The following CFAP54 variants were observed in gnomAD, a reference collection of about 807,000 sequenced individuals.
CFAP54 encodes cilia and flagella associated protein 54, also known as cilia- and flagella-associated protein 54.
A neutral mutation model predicts 370.4 loss-of-function variants in CFAP54; 290 were observed. The observed-to-expected ratio is 0.78, with a 90% CI of 0.71 to 0.86. The LOEUF (loss-of-function observed/expected upper bound fraction) is 0.86. Ranked by LOEUF, CFAP54 falls within the 40% of genes least tolerant of loss-of-function variation. CFAP54 has a pLI of 0.00. For missense variants in CFAP54, 3,399 were observed against 3,528.7 expected (o/e 0.96, Z 0.93); for synonymous variants, 1,206 against 1,236.5 (o/e 0.98, Z 0.52).
At chr12:96,634,912 G>T (rs1384137543) in intron 32 of CFAP54, among the ~76,000 whole-genome samples, 1 of 152,118 alleles carries the variant, frequency 6.6e-6, no homozygotes, top group Non-Finnish European at 1.5e-5. Context: ...ATCTATTTCT[G>T]AGTTCTGTAT....
chr12:96,704,762 C>T lies in CFAP54; in HGVS notation c.6494C>T (p.Ser2165Leu), dbSNP rs1592717169. The change falls in exon 47 of 68, where the codon TCA (serine) becomes TTA (leucine). Residue 2165 changes from serine to leucine, a missense_variant. Physicochemically the swap from Ser to Leu is moderately radical, Grantham distance 145 (BLOSUM62 -2). This residue lies in a region of CFAP54 where 2,796 missense variants were observed against 2,869.7 expected (regional missense o/e 0.97). Coordinates refer to ENST00000524981, the MANE Select transcript of CFAP54 (RefSeq NM_001306084.2). The stretch of plus-strand genomic sequence containing the variant: ...TGACAGATCTTTCAATCATTTGACT[C>T]AGGAAAACTTCTTACCAGTAAAGAA... ...GKMKIFQSFD[S>L]GKLLTSKENI... 1 of 1,234,508 alleles carries T rather than the reference C, an allele frequency of 8.1e-7. No individual in the cohort carries two copies. The highest frequency in any genetic ancestry group is 1.1e-6 in the Non-Finnish European group (1 of 892,818). The allele number at this position is 1,234,508 out of a possible 1,614,324, so 76.5% of individuals were successfully genotyped here. A position where few individuals can be genotyped will look rare whatever the true frequency, so the allele number is the denominator to read the frequency against.
rs769972135 is a variant in CFAP54 at position 96,744,135 on chromosome 12, A to G, written c.7673A>G (p.Lys2558Arg). 1 of 1,606,460 alleles carries G rather than the reference A, an allele frequency of 6.2e-7. No homozygotes were observed. ...CATGTCATGTTATTGGCCAAAATAA[A>G]AATGAGAATTGGTAAGAACATTTAA... The part of the protein sequence containing the change: ...LPHVMLLAKI[K>R]MRIGHTVAKQ... Residue 2558 changes from lysine (K) to arginine (R), a missense_variant, in exon 55 of 68, where the codon AAA becomes AGA. By Grantham distance (26) the Lys-to-Arg change is conservative. Transcript: ENST00000524981.
chr12:96,727,805 C>T lies in CFAP54; in HGVS notation c.6965+7240C>T, dbSNP rs1472965003. ...TTTACATTTTGGCATTATTTTGCAG[C>T]GGCTGGTACCGGTTGTTCCTTTCCA... On this transcript the variant is annotated intron_variant, in intron 50 of 67. Transcript: ENST00000524981. Among the ~76,000 whole-genome samples the T allele has an allele frequency of 4.0e-5, 6 of 151,392 alleles. No homozygotes were observed. In the East Asian group the frequency reaches 5.9e-4, roughly 15 times the overall value.
chr12:96,771,369 A>G (rs1333559273), intron 60 of CFAP54, among the ~76,000 whole-genome samples: 27 of 152,244 alleles, frequency 1.8e-4, no homozygotes, highest in African/African-American at 6.0e-4. Context: ...AACCCACTTT[A>G]GTCCCGGAAG....
rs1491299184 is a variant in CFAP54, at chr12:96,840,616, CTG to C, written c.9171+11530_9171+11531del. 3.2e-4 allele frequency among the ~76,000 whole-genome samples: 30 copies of C among 93,354 alleles called. 1 individual carries two copies. Among genetic ancestry groups the C allele is most frequent in the East Asian group, 1.2e-3 (3 of 2,546 alleles). 61.2% of individuals were successfully genotyped at this position (93,354 alleles called of 152,430 possible). ...GAGCTACAGACTTTCTTTCTTTTCT[CTG>C]TTTCTTTCTTTTTTTTTTTTTTTAC... On this transcript the variant is annotated intron_variant, in intron 66 of 67. Transcript: ENST00000524981.
chr12:96,742,060 G>C (rs999749028), intron 51 of CFAP54, among the ~76,000 whole-genome samples: 56 of 152,108 alleles, frequency 3.7e-4, no homozygotes, highest in African/African-American at 1.3e-3. Context: ...TAACTAAATG[G>C]ATATTAGTGA....
intron 1 of CFAP54, among the ~76,000 whole-genome samples, chr12:96,497,550 C>A (rs1245781938): frequency 6.6e-6 from 1 of 152,156 alleles, no homozygotes; most frequent in Non-Finnish European, 1.5e-5. Flanking sequence ...AAATCAACTC[C>A]ATTTTAAAAT....
Position 96,648,012 on chromosome 12 carries a change from C to T in CFAP54, c.4685C>T (p.Pro1562Leu), listed in dbSNP as rs1404301515. ...GCCAAAAAAAGAAAGGCCAACTTAC[C>T]ATCAGGTAAAATAAACATGTTAGTT... ...LTAKKRKANLPSDAEEFSTFI... is the reference protein window; with the variant it reads ...LTAKKRKANLLSDAEEFSTFI... The change falls in exon 34 of 68, where the codon CCA becomes CTA. Residue 1562 changes from proline to leucine, a missense_variant. Pro to Leu is a moderately conservative substitution (Grantham distance 98). Transcript: ENST00000524981. 1 of 1,500,036 alleles carries T rather than the reference C, an allele frequency of 6.7e-7. No individual in the cohort carries two copies. The highest frequency in any genetic ancestry group is 8.8e-7 in the Non-Finnish European group (1 of 1,137,074). 92.9% of individuals were successfully genotyped at this position (1,500,036 alleles called of 1,614,324 possible).
chr12:96,598,442 G>A (rs1377604054), intron 25 of CFAP54, among the ~76,000 whole-genome samples: 2 of 151,914 alleles, frequency 1.3e-5, no homozygotes, highest in African/African-American at 4.8e-5. Context: ...TCAAGTTGCT[G>A]TAGGTGAAGG....
chr12:96,826,342 A>G (rs1487405798), intron 65 of CFAP54, among the ~76,000 whole-genome samples: 1 of 141,282 alleles, frequency 7.1e-6, no homozygotes, highest in African/African-American at 2.6e-5. Flanking sequence ...AGTCTACAAT[A>G]TATATACTTG....
intron 50 of CFAP54, among the ~76,000 whole-genome samples, chr12:96,722,860 AAGAG>A (rs1957774425): frequency 6.6e-6 from 1 of 152,152 alleles, no homozygotes; most frequent in African/African-American, 2.4e-5. Flanking sequence ...TTGTGAGAAA[AAGAG>A]AGGAGTCAAA....
At chr12:96,696,267 G>C (rs992300011) in intron 45 of CFAP54, among the ~76,000 whole-genome samples, 4 of 152,162 alleles carry the variant, frequency 2.6e-5, no homozygotes, top group African/African-American at 9.7e-5. Context: ...GAGAATACCA[G>C]GGACCTAGTC....
chr12:96,666,537 G>A (rs1957082393), intron 39 of CFAP54, among the ~76,000 whole-genome samples: 1 of 152,200 alleles, frequency 6.6e-6, no homozygotes, highest in African/African-American at 2.4e-5. Context: ...AGGAGCAAAG[G>A]CACATCTTAC....
At chr12:96,688,536 ATGATAAAACATT>A (rs1957351534) in intron 42 of CFAP54, among the ~76,000 whole-genome samples, 3 of 152,240 alleles carry the variant, frequency 2.0e-5, no homozygotes, top group Admixed American at 1.3e-4. Context: ...GCACATCTGT[ATGATAAAACATT>A]AAAGTTCTTT....
intron 39 of CFAP54, among the ~76,000 whole-genome samples, chr12:96,677,012 C>CTT (rs57648377): frequency 1.1e-4 from 16 of 150,564 alleles, no homozygotes; most frequent in South Asian, 2.1e-4. Context: ...CTTTTCTTTT[C>CTT]TTTTTTTTGA....
At chr12:96,808,371 C>T (rs532982559) in intron 63 of CFAP54, among the ~76,000 whole-genome samples, 9 of 152,156 alleles carry the variant, frequency 5.9e-5, no homozygotes, top group African/African-American at 1.9e-4. Flanking sequence ...TCTCTTGTGT[C>T]AGATGAACAC....
intron 48 of CFAP54, among the ~76,000 whole-genome samples, chr12:96,715,540 G>A (rs982878160): frequency 6.6e-6 from 1 of 152,132 alleles, no homozygotes; most frequent in African/African-American, 2.4e-5. Context: ...TCTAGAAGGG[G>A]TGAAGTATTG....
rs909178273 is a variant in CFAP54, at chr12:96,605,808, C to T, written c.3639+7041C>T. Among the ~76,000 whole-genome samples, 8 of 152,058 alleles carry T rather than the reference C, an allele frequency of 5.3e-5. No individual in the cohort carries two copies. In the East Asian group the frequency reaches 1.4e-3, roughly 26 times the overall value. ...CAACAGGGATGCAGGAAGATGACCA[C>T]TAAGGGATAGGATGATTGGGGAAGG... On this transcript the variant is annotated intron_variant, in intron 26 of 67. Transcript: ENST00000524981.
intron 67 of CFAP54, among the ~76,000 whole-genome samples, chr12:96,867,447 G>T (rs770305965): frequency 6.6e-6 from 1 of 152,108 alleles, no homozygotes; most frequent in African/African-American, 2.4e-5. Context: ...AGAGATATCT[G>T]CCCTCCTGTG....
Sources: gnomAD v4.1 joint callset for allele counts (sites outside exome capture counted in the v4.1 genomes callset) on GRCh38, gnomAD v4.1.1 for gene constraint, gnomAD v4.1.1 regional missense constraint, MANE v1.5 for transcripts, NCBI Gene and HGNC (gene_info 2026-07-23, HGNC 2026-07-21) for gene names.